The following PDGFD variants were observed in gnomAD, a reference collection of about 807,000 sequenced individuals.
The protein encoded by PDGFD is platelet derived growth factor D.
In PDGFD, 30 loss-of-function variants were observed where a neutral mutation model predicts 44.7. The ratio of observed to expected loss-of-function variants is 0.67; its 90% CI spans 0.50 to 0.91. The LOEUF (loss-of-function observed/expected upper bound fraction) is 0.91, where lower values mean the gene tolerates loss of function less well. PDGFD is among the 40% of genes least tolerant of loss of function. The pLI, the probability that PDGFD is intolerant of heterozygous loss-of-function variation, is 0.00. For synonymous variants in PDGFD, 173 were observed against 168.4 expected, an observed-to-expected ratio of 1.03 and a Z score of -0.21; for missense variants, 445 against 457.8, an observed-to-expected ratio of 0.97 and a Z score of 0.25.
At chr11:104,159,023 G>A (rs1173779848) in intron 1 of PDGFD, among the ~76,000 whole-genome samples, 1 of 151,684 alleles carries the variant, frequency 6.6e-6, no homozygotes, top group Non-Finnish European at 1.5e-5. Flanking sequence ...GGCGGTGGTA[G>A]GCGCCTGTAG....
chr11:103,993,036 T>G (rs1248047735), intron 3 of PDGFD, among the ~76,000 whole-genome samples: 1 of 151,966 alleles, frequency 6.6e-6, no homozygotes, highest in Non-Finnish European at 1.5e-5. Context: ...CAAGAGCACC[T>G]TGACTTCTCG....
intron 3 of PDGFD, among the ~76,000 whole-genome samples, chr11:103,989,656 G>C (rs1859422254): frequency 6.6e-6 from 1 of 152,158 alleles, no homozygotes; most frequent in African/African-American, 2.4e-5. Context: ...ATGGGTGAGG[G>C]GAATAAAGGG....
chr11:104,102,829 C>CA (rs757589866), intron 1 of PDGFD, among the ~76,000 whole-genome samples: 2 of 151,900 alleles, frequency 1.3e-5, no homozygotes, highest in African/African-American at 2.4e-5. Context: ...ACTGCAAGGA[C>CA]AAAAAACCAA....
At chr11:104,133,146 T>C (rs1446441708) in intron 1 of PDGFD, among the ~76,000 whole-genome samples, 1 of 152,094 alleles carries the variant, frequency 6.6e-6, no homozygotes, top group East Asian at 1.9e-4. Flanking sequence ...CTATGGTAAG[T>C]AGCACAGTAC....
intron 1 of PDGFD, among the ~76,000 whole-genome samples, chr11:104,022,426 G>A (rs904147780): frequency 1.3e-5 from 2 of 152,068 alleles, no homozygotes; most frequent in African/African-American, 4.8e-5. Flanking sequence ...ACTTCTTATA[G>A]GATAATGCTT....
At chr11:103,974,403 C>T (rs971400619) in intron 3 of PDGFD, among the ~76,000 whole-genome samples, 2 of 152,168 alleles carry the variant, frequency 1.3e-5, no homozygotes, top group African/African-American at 4.8e-5. Context: ...TACTCTATAG[C>T]ACCTTCCTGT....
At chr11:104,137,728 C>CTTTTTTTTTTTTTTTTTTTTTT (rs5794295) in intron 1 of PDGFD, among the ~76,000 whole-genome samples, 7 of 76,618 alleles carry the variant, frequency 9.1e-5, no homozygotes, top group African/African-American at 3.3e-4. Flanking sequence ...TAGATCACCA[C>CTTTTTTTTTTTTTTTTTTTTTT]TTTTTTTTTT....
intron 1 of PDGFD, among the ~76,000 whole-genome samples, chr11:104,084,304 T>C (rs1861089568): frequency 6.6e-6 from 1 of 152,172 alleles, no homozygotes; most frequent in Admixed American, 6.5e-5. Flanking sequence ...GGAAACTGCT[T>C]CATCCTGCAT....
At chr11:103,970,393 T>C (rs148544586) in intron 3 of PDGFD, among the ~76,000 whole-genome samples, 1 of 152,102 alleles carries the variant, frequency 6.6e-6, no homozygotes, top group Non-Finnish European at 1.5e-5. Flanking sequence ...CTATGAAATA[T>C]AGCAAGTGAT....
intron 2 of PDGFD, among the ~76,000 whole-genome samples, chr11:103,998,953 T>C (rs925945830): frequency 6.6e-6 from 1 of 152,170 alleles, no homozygotes; most frequent in African/African-American, 2.4e-5. Context: ...TAATAGCGTC[T>C]TTTTCCCATG....
intron 1 of PDGFD, among the ~76,000 whole-genome samples, chr11:104,032,198 A>T (rs1049555361): frequency 5.3e-5 from 8 of 152,044 alleles, no homozygotes; most frequent in African/African-American, 1.5e-4. Context: ...ACAACAACAA[A>T]AATAATGAAT....
chr11:104,091,370 C>T (rs966000057), intron 1 of PDGFD, among the ~76,000 whole-genome samples: 6 of 152,136 alleles, frequency 3.9e-5, no homozygotes, highest in African/African-American at 1.4e-4. Context: ...AGGTATGCCC[C>T]CTTCGTTCAA....
chr11:104,139,139 ATAAT>A (rs34143742), intron 1 of PDGFD, among the ~76,000 whole-genome samples: 17,535 of 152,086 alleles, frequency 0.12, 1,076 homozygotes, highest in East Asian at 0.29. Context: ...TTCCCATTTG[ATAAT>A]TCATTTATCT....
At chr11:103,998,849 A>G (rs1841267989) in intron 2 of PDGFD, among the ~76,000 whole-genome samples, 1 of 152,186 alleles carries the variant, frequency 6.6e-6, no homozygotes, top group African/African-American at 2.4e-5. Context: ...CTGCTGTGGG[A>G]AAAAACCCTC....
At chr11:104,036,935 C>T in intron 1 of PDGFD, 2 of 1,614,206 alleles carry the variant, frequency 1.2e-6, no homozygotes, top group African/African-American at 2.7e-5. Flanking sequence ...GAAGCGGAGT[C>T]CAGAGTCCCC....
chr11:103,915,604 A>G (rs1481249100), intron 6 of PDGFD, among the ~76,000 whole-genome samples: 1 of 152,182 alleles, frequency 6.6e-6, no homozygotes, highest in Non-Finnish European at 1.5e-5. Flanking sequence ...TAAATTTCAT[A>G]TGGAACCAAA....
intron 1 of PDGFD, among the ~76,000 whole-genome samples, chr11:104,062,023 G>A (rs756851855): frequency 1.2e-4 from 18 of 152,090 alleles, no homozygotes; most frequent in African/African-American, 2.7e-4. Flanking sequence ...TTCTATTCTC[G>A]TTTTTCTCAC....
intron 3 of PDGFD, among the ~76,000 whole-genome samples, chr11:103,960,321 G>A (rs1858916270): frequency 2.0e-5 from 3 of 152,206 alleles, no homozygotes; most frequent in Admixed American, 2.0e-4. Flanking sequence ...CCACGCCCAA[G>A]GATTAGCTGA....
chr11:103,937,408 C>T (rs944349971), intron 5 of PDGFD, among the ~76,000 whole-genome samples: 7 of 152,084 alleles, frequency 4.6e-5, no homozygotes, highest in Admixed American at 2.6e-4. Context: ...TTGTTTATCT[C>T]CATAAATCAC....
Sources: gnomAD v4.1 joint callset for allele counts (sites outside exome capture counted in the v4.1 genomes callset) on GRCh38, gnomAD v4.1.1 for gene constraint, MANE v1.5 for transcripts, NCBI Gene and HGNC (gene_info 2026-07-23, HGNC 2026-07-21) for gene names.